Variants in ZFHX4 observed in about 807,000 individuals in gnomAD.
The protein encoded by ZFHX4 is zinc finger homeobox protein 4.
A neutral mutation model predicts 267.6 loss-of-function variants in ZFHX4; 56 were observed. The observed-to-expected ratio is 0.21, with a 90% CI of 0.17 to 0.26. ZFHX4 has a LOEUF of 0.26. Ranked by LOEUF, ZFHX4 falls within the 10% of genes least tolerant of loss-of-function variation. The probability of loss-of-function intolerance (pLI) is 1.00; values close to 1 mark genes in which losing one functional copy is unlikely to be tolerated. For missense variants in ZFHX4, 4,332 were observed against 4,420.0 expected (o/e 0.98, Z 0.56); for synonymous variants, 1,778 against 1,665.6 (o/e 1.07, Z -1.64).
chr8:76,778,490 A>T, intron 4 of ZFHX4, 51 bp downstream of exon 4: 1 of 1,365,476 alleles, frequency 7.3e-7, no homozygotes, highest in Non-Finnish European at 1.0e-6. Flanking sequence ...ACACCACTTC[A>T]TCACACACAC....
intron 1 of ZFHX4, among the ~76,000 whole-genome samples, chr8:76,690,628 A>C (rs1055412230): frequency 3.9e-5 from 6 of 152,032 alleles, no homozygotes; most frequent in Non-Finnish European, 8.8e-5. Context: ...CATTAATTGA[A>C]AATTAGAATT....
chr8:76,736,230 C>A (rs776046901), intron 3 of ZFHX4, among the ~76,000 whole-genome samples: 3 of 150,974 alleles, frequency 2.0e-5, no homozygotes, highest in Non-Finnish European at 4.4e-5. Context: ...AAAGTGTAGT[C>A]GGACTGACTT....
chr8:76,796,196 T>C (rs1223869733), intron 4 of ZFHX4, among the ~76,000 whole-genome samples: 3 of 150,500 alleles, frequency 2.0e-5, no homozygotes, highest in Non-Finnish European at 2.9e-5. Flanking sequence ...GAAAATGATT[T>C]TGAAAATAGA....
chr8:76,823,058 A>G (rs1287826817), intron 4 of ZFHX4, among the ~76,000 whole-genome samples: 8 of 150,496 alleles, frequency 5.3e-5, no homozygotes, highest in African/African-American at 2.0e-4. Flanking sequence ...CAGTGAAATG[A>G]CTCTACTACC....
chr8:76,792,592 G>A (rs775977575), intron 4 of ZFHX4, among the ~76,000 whole-genome samples: 3 of 152,122 alleles, frequency 2.0e-5, no homozygotes, highest in Non-Finnish European at 2.9e-5. Flanking sequence ...AGAAAGGAAG[G>A]TCCAATAATA....
intron 1 of ZFHX4, 122 bp downstream of exon 1, chr8:76,681,742 C>A: frequency 3.0e-6 from 1 of 328,854 alleles, no homozygotes; most frequent in Non-Finnish European, 5.5e-6. Flanking sequence ...TCCCTCTCCG[C>A]CTCTCTTCCT....
chr8:76,813,734 T>G (rs905380916), intron 4 of ZFHX4, among the ~76,000 whole-genome samples: 1 of 152,122 alleles, frequency 6.6e-6, no homozygotes, highest in Non-Finnish European at 1.5e-5. Context: ...CTAGGTTACA[T>G]TTGTCTGTTG....
intron 3 of ZFHX4, among the ~76,000 whole-genome samples, chr8:76,718,546 G>C (rs2131635088): frequency 6.6e-6 from 1 of 152,166 alleles, no homozygotes; most frequent in South Asian, 2.1e-4. Context: ...TTTCATAACT[G>C]AATTCCTTAA....
intron 3 of ZFHX4, among the ~76,000 whole-genome samples, chr8:76,763,025 A>G (rs545647061): frequency 1.3e-5 from 2 of 152,240 alleles, no homozygotes; most frequent in South Asian, 4.1e-4. Context: ...TCCCCTTTCA[A>G]TATCTTTGTC....
chr8:76,707,669 A>G lies in ZFHX4; in HGVS notation c.2714A>G (p.Gln905Arg). 6.2e-7 allele frequency: 1 copy of G among 1,613,908 alleles called. No individual in the cohort carries two copies. The highest frequency in any genetic ancestry group is 1.3e-5 in the African/African-American group (1 of 75,026). ...YISDPALKLF[Q>R]CAVCNKFTSD... ...AGTGACCCAGCGCTGAAGCTATTCC[A>G]GTGTGCTGTTTGCAACAAATTCACC... Residue 905 changes from glutamine (Q) to arginine (R), a missense_variant, in exon 3 of 11, where the codon CAG becomes CGG. Physicochemically the swap from Gln to Arg is conservative, Grantham distance 43. Transcript: ENST00000651372.
chr8:76,725,035 A>G (rs753704466), intron 3 of ZFHX4, among the ~76,000 whole-genome samples: 6 of 151,510 alleles, frequency 4.0e-5, no homozygotes, highest in East Asian at 1.9e-4. Flanking sequence ...GTAGATATTG[A>G]TGTGTGTATA....
At chr8:76,843,442 T>C (rs1812287657) in intron 6 of ZFHX4, among the ~76,000 whole-genome samples, 1 of 152,116 alleles carries the variant, frequency 6.6e-6, no homozygotes, top group Non-Finnish European at 1.5e-5. Context: ...AAAACAAACC[T>C]TCGTGTCATG....
intron 4 of ZFHX4, among the ~76,000 whole-genome samples, chr8:76,796,976 G>A (rs1408416626): frequency 6.6e-6 from 1 of 152,124 alleles, no homozygotes; most frequent in African/African-American, 2.4e-5. Context: ...AACACTGGAA[G>A]AAAAGAGTGA....
At chr8:76,783,984 T>A (rs75816734) in intron 4 of ZFHX4, among the ~76,000 whole-genome samples, 4 of 152,018 alleles carry the variant, frequency 2.6e-5, no homozygotes, top group African/African-American at 9.7e-5. Flanking sequence ...ATACAGAAGA[T>A]GAAATAATAC....
At chr8:76,698,656 T>C (rs1471198877) in intron 1 of ZFHX4, among the ~76,000 whole-genome samples, 2 of 152,022 alleles carry the variant, frequency 1.3e-5, no homozygotes, top group African/African-American at 4.8e-5. Flanking sequence ...CAAATCTTCT[T>C]TGACTAGCTA....
intron 3 of ZFHX4, among the ~76,000 whole-genome samples, chr8:76,751,373 T>C (rs1809609951): frequency 6.6e-6 from 1 of 152,140 alleles, no homozygotes; most frequent in Admixed American, 6.6e-5. Flanking sequence ...CAGGAAAGAA[T>C]AGAGACAAAT....
Position 76,705,017 on chromosome 8 carries a change from A to G in ZFHX4, c.929A>G (p.Gln310Arg). ...DHRMTLNDEEQKLLSNKCVSA... is the reference protein window; with the variant it reads ...DHRMTLNDEERKLLSNKCVSA... ...CGGATGACCCTCAATGACGAGGAGC[A>G]GAAGCTCCTCAGTAATAAATGCGTC... Residue 310 changes from glutamine to arginine, a missense_variant, in exon 2 of 11, where the codon CAG (glutamine) becomes CGG (arginine). Gln to Arg is a conservative substitution (Grantham distance 43, BLOSUM62 1). Around this residue, in one of 7 missense-constraint regions of ZFHX4, gnomAD observed 1,195 missense variants for 1,173.6 expected, o/e 1.02. Transcript: ENST00000651372. 1.2e-6 allele frequency: 2 copies of G among 1,613,914 alleles called. No individual in the cohort carries two copies. Among genetic ancestry groups the G allele is most frequent in the Non-Finnish European group, 1.7e-6 (2 of 1,179,828 alleles).
intron 4 of ZFHX4, among the ~76,000 whole-genome samples, chr8:76,817,068 A>C (rs1373375748): frequency 6.6e-6 from 1 of 152,186 alleles, no homozygotes; most frequent in Non-Finnish European, 1.5e-5. Context: ...CTTTAAAAAA[A>C]AGGTTCAGCT....
At chr8:76,735,166 C>G (rs553575505) in intron 3 of ZFHX4, among the ~76,000 whole-genome samples, 1 of 152,088 alleles carries the variant, frequency 6.6e-6, no homozygotes, top group Non-Finnish European at 1.5e-5. Flanking sequence ...GCTATTCTGC[C>G]ATTCCATTAT....
Sources: allele counts gnomAD v4.1 joint callset (sites outside exome capture counted in the v4.1 genomes callset), GRCh38; gene constraint gnomAD v4.1.1; regional missense constraint gnomAD v4.1.1; transcripts MANE v1.5; gene names NCBI Gene and HGNC (gene_info 2026-07-23, HGNC 2026-07-21).